The following DIAPH3 variants were observed in gnomAD, a reference collection of about 807,000 sequenced individuals.
DIAPH3 encodes protein diaphanous homolog 3.
Under a neutral mutation model 144.3 loss-of-function variants are expected in DIAPH3, and 117 were observed. The observed-to-expected ratio is 0.81, with a 90% confidence interval of 0.70 to 0.95. The LOEUF (loss-of-function observed/expected upper bound fraction) is 0.95, where lower values mean the gene tolerates loss of function less well. DIAPH3 is among the 40% of genes least tolerant of loss of function. DIAPH3 has a pLI of 0.00. For missense variants in DIAPH3, 1,421 were observed against 1,412.7 expected (o/e 1.01, Z -0.09); for synonymous variants, 519 against 488.9 (o/e 1.06, Z -0.81).
chr13:59,737,099 T>C (rs1470598400), intron 27 of DIAPH3, among the ~76,000 whole-genome samples: 1 of 152,076 alleles, frequency 6.6e-6, no homozygotes, highest in Non-Finnish European at 1.5e-5. Flanking sequence ...CAGGCAAAGA[T>C]TTCATGACGA....
chr13:59,948,428 C>T (rs1244199148), intron 17 of DIAPH3, among the ~76,000 whole-genome samples: 1 of 152,038 alleles, frequency 6.6e-6, no homozygotes, highest in Non-Finnish European at 1.5e-5. Context: ...GTACGTCTAC[C>T]TAGTTTCCAT....
intron 5 of DIAPH3, among the ~76,000 whole-genome samples, chr13:60,035,910 A>G (rs1012680728): frequency 6.6e-6 from 1 of 152,214 alleles, no homozygotes; most frequent in Non-Finnish European, 1.5e-5. Context: ...TACAACTTCT[A>G]TGATGTACTA....
At position 59,947,659 on chromosome 13, in the gene DIAPH3, G is replaced by A. The variant is rs759799355; in HGVS notation, c.2074+22285C>T. ...GTGGGAGGATCATCACTTGAGCCCC[G>A]GATGCGGAGGATGCAGTGAACTGAG... On this transcript the variant is annotated intron_variant, in intron 17 of 27. Coordinates refer to ENST00000400324, the MANE Select transcript of DIAPH3 (RefSeq NM_001042517.2). Among the ~76,000 whole-genome samples the A allele has an allele frequency of 6.6e-5, 10 of 151,826 alleles. No homozygotes were observed. The East Asian group carries it at 7.7e-4, about 12-fold the overall frequency.
intron 25 of DIAPH3, 22 bp from the exon 26 acceptor site, chr13:59,774,845 ATTC>A: frequency 6.3e-7 from 1 of 1,592,710 alleles, no homozygotes; most frequent in Non-Finnish European, 8.6e-7. Flanking sequence ...GATGCAGGGA[ATTC>A]CATCAGCCCT....
intron 7 of DIAPH3, among the ~76,000 whole-genome samples, chr13:60,010,975 C>T (rs2053213401): frequency 6.6e-6 from 1 of 151,798 alleles, no homozygotes; most frequent in Non-Finnish European, 1.5e-5. Context: ...CATGGTGGTG[C>T]ATGCCTGTAA....
intron 18 of DIAPH3, among the ~76,000 whole-genome samples, chr13:59,923,875 A>C (rs901662751): frequency 6.6e-6 from 1 of 152,210 alleles, no homozygotes; most frequent in African/African-American, 2.4e-5. Context: ...TCATAAAAGG[A>C]ATGCCAACTC....
chr13:59,762,906 A>G (rs535056166), intron 27 of DIAPH3, among the ~76,000 whole-genome samples: 3 of 152,138 alleles, frequency 2.0e-5, no homozygotes, highest in Non-Finnish European at 4.4e-5. Context: ...ACAAAGGATG[A>G]TGAGTCCAGC....
chr13:59,688,144 A>G (rs1566181336), intron 27 of DIAPH3, among the ~76,000 whole-genome samples: 1 of 152,056 alleles, frequency 6.6e-6, no homozygotes, highest in Non-Finnish European at 1.5e-5. Flanking sequence ...TAAAATGGCT[A>G]TTTTTGAAGG....
intron 1 of DIAPH3, among the ~76,000 whole-genome samples, chr13:60,151,974 C>T (rs906223268): frequency 1.3e-5 from 2 of 152,082 alleles, no homozygotes; most frequent in Non-Finnish European, 2.9e-5. Context: ...TAAACAAAAA[C>T]AGTTTAATTC....
At chr13:59,879,198 C>T in intron 21 of DIAPH3, 31 bp downstream of exon 21, 1 of 1,613,104 alleles carries the variant, frequency 6.2e-7, no homozygotes, top group Non-Finnish European at 8.5e-7. Context: ...AGTGTTCAGG[C>T]AAATATGTGT....
At chr13:59,715,289 C>T (rs761770047) in intron 27 of DIAPH3, among the ~76,000 whole-genome samples, 13 of 152,030 alleles carry the variant, frequency 8.6e-5, no homozygotes, top group South Asian at 6.2e-4. Context: ...ACATGGTAGA[C>T]GATCAAATAT....
chr13:59,694,759 A>C (rs1387833443), intron 27 of DIAPH3, among the ~76,000 whole-genome samples: 1 of 152,196 alleles, frequency 6.6e-6, no homozygotes, highest in African/African-American at 2.4e-5. Context: ...GAATGAAACA[A>C]AGTTGTTCAG....
chr13:59,743,542 T>C (rs1202184634), intron 27 of DIAPH3, among the ~76,000 whole-genome samples: 1 of 152,132 alleles, frequency 6.6e-6, no homozygotes, highest in African/African-American at 2.4e-5. Flanking sequence ...CTTAAAGGTC[T>C]GTGTGAGAGC....
intron 27 of DIAPH3, among the ~76,000 whole-genome samples, chr13:59,698,333 A>G (rs2033928581): frequency 6.6e-6 from 1 of 152,164 alleles, no homozygotes; most frequent in Non-Finnish European, 1.5e-5. Flanking sequence ...TGGTAAACTG[A>G]TCTTCTCAAG....
chr13:59,883,829 G>A (rs980101208), intron 20 of DIAPH3, among the ~76,000 whole-genome samples: 2 of 152,156 alleles, frequency 1.3e-5, no homozygotes, highest in East Asian at 3.9e-4. Context: ...CTTCACAGTA[G>A]TTATCAAGTA....
At chr13:59,822,991 G>T (rs1028665945) in intron 24 of DIAPH3, among the ~76,000 whole-genome samples, 2 of 151,936 alleles carry the variant, frequency 1.3e-5, no homozygotes, top group Admixed American at 1.3e-4. Flanking sequence ...TTATTAAGTT[G>T]ATTTCTTTTC....
chr13:59,788,833 G>C (rs769035530), intron 25 of DIAPH3, among the ~76,000 whole-genome samples: 7 of 152,142 alleles, frequency 4.6e-5, no homozygotes, highest in Non-Finnish European at 7.3e-5. Context: ...CCAGCAATGG[G>C]TTTTACGACT....
At chr13:59,911,561 A>G (rs564078618) in intron 20 of DIAPH3, among the ~76,000 whole-genome samples, 174 bp downstream of exon 20, 3 of 152,224 alleles carry the variant, frequency 2.0e-5, no homozygotes, top group East Asian at 3.8e-4. Flanking sequence ...GTTTCAATAT[A>G]TATTTTAAAT....
At chr13:59,715,940 C>T (rs1184869201) in intron 27 of DIAPH3, among the ~76,000 whole-genome samples, 1 of 151,962 alleles carries the variant, frequency 6.6e-6, no homozygotes, top group Non-Finnish European at 1.5e-5. Context: ...TAATCCTTTA[C>T]AGAAAGATGA....
Sources: allele counts gnomAD v4.1 joint callset (sites outside exome capture counted in the v4.1 genomes callset), GRCh38; gene constraint gnomAD v4.1.1; transcripts MANE v1.5; gene names NCBI Gene and HGNC (gene_info 2026-07-23, HGNC 2026-07-21).